Variants in ST6GALNAC3 observed in about 807,000 individuals in gnomAD.
The protein encoded by ST6GALNAC3 is alpha-N-acetylgalactosaminide alpha-2,6-sialyltransferase 3.
ST6GALNAC3 carries 25 observed loss-of-function variants against 32.7 expected under a neutral mutation model. That is an observed-to-expected ratio of 0.76 (90% CI 0.56 to 1.07). The LOEUF (loss-of-function observed/expected upper bound fraction) is 1.07, where lower values mean the gene tolerates loss of function less well. ST6GALNAC3 is among the 50% of genes least tolerant of loss of function. The pLI, the probability that ST6GALNAC3 is intolerant of heterozygous loss-of-function variation, is 0.00. For missense variants in ST6GALNAC3, 355 were observed against 382.4 expected (o/e 0.93, Z 0.60); for synonymous variants, 129 against 133.1 (o/e 0.97, Z 0.21).
intron 3 of ST6GALNAC3, among the ~76,000 whole-genome samples, chr1:76,510,820 A>C (rs954414877): frequency 1.3e-5 from 2 of 152,236 alleles, no homozygotes; most frequent in Non-Finnish European, 2.9e-5. Flanking sequence ...TGTGCATTTT[A>C]TGATGAAGTG....
intron 1 of ST6GALNAC3, among the ~76,000 whole-genome samples, chr1:76,238,113 T>A (rs531912004): frequency 6.7e-4 from 102 of 152,216 alleles, no homozygotes; most frequent in Non-Finnish European, 1.1e-3. Flanking sequence ...TAGCTGCTAC[T>A]TTTCTGGCAA....
At chr1:76,421,306 A>T (rs1655014605) in intron 3 of ST6GALNAC3, among the ~76,000 whole-genome samples, 1 of 152,032 alleles carries the variant, frequency 6.6e-6, no homozygotes, top group African/African-American at 2.4e-5. Context: ...ACTTTACCCA[A>T]AGGCTGGCAA....
intron 1 of ST6GALNAC3, among the ~76,000 whole-genome samples, chr1:76,109,732 C>A (rs1014735958): frequency 2.0e-5 from 3 of 152,218 alleles, no homozygotes; most frequent in Non-Finnish European, 4.4e-5. Flanking sequence ...GGCTTACAGG[C>A]ACACTTTGGG....
rs571294488 is a variant in ST6GALNAC3 at position 76,112,802 on chromosome 1, T to A, written c.18+37918T>A. Among the ~76,000 whole-genome samples the A allele has an allele frequency of 3.1e-3, 469 of 150,948 alleles. 4 individuals are homozygous for A. The highest frequency in any genetic ancestry group is 0.011 in the African/African-American group (460 of 40,940). ...ATGGGCGGCCGGGCAGAGATGCTCC[T>A]CACTTCCTAGATGGGTTGGTGGCGG... On this transcript the variant is annotated intron_variant, in intron 1 of 4. Coordinates refer to ENST00000328299, the MANE Select transcript of ST6GALNAC3 (RefSeq NM_152996.4).
intron 1 of ST6GALNAC3, among the ~76,000 whole-genome samples, chr1:76,187,520 A>G (rs1207235595): frequency 6.6e-6 from 1 of 152,188 alleles, no homozygotes. Flanking sequence ...TGTATAAATC[A>G]TGGAATTCAG....
At chr1:76,575,148 C>T (rs1646780268) in intron 3 of ST6GALNAC3, among the ~76,000 whole-genome samples, 1 of 152,104 alleles carries the variant, frequency 6.6e-6, no homozygotes, top group Non-Finnish European at 1.5e-5. Context: ...AGCAACAGTT[C>T]ACCTTTATAT....
chr1:76,442,227 C>T (rs1039104992), intron 3 of ST6GALNAC3, among the ~76,000 whole-genome samples: 16 of 152,130 alleles, frequency 1.1e-4, no homozygotes, highest in African/African-American at 3.9e-4. Context: ...TGAAGTGTAT[C>T]TACAGAAATA....
At chr1:76,172,379 T>C (rs999156150) in intron 1 of ST6GALNAC3, among the ~76,000 whole-genome samples, 1 of 152,074 alleles carries the variant, frequency 6.6e-6, no homozygotes. Context: ...ACAGACAATA[T>C]CATATTGAAT....
In ST6GALNAC3 at chr1:76,627,469, A is replaced by G; in HGVS notation, c.641A>G (p.Tyr214Cys). ...TGKDRVQSGSYLSTGWFTFLL... is the reference protein window; with the variant it reads ...TGKDRVQSGSCLSTGWFTFLL... ...TCCCTCAGAGTCCAGTCTGGCTCAT[A>G]TCTCAGCACAGGGTGGTTTACCTTC... is the stretch of plus-strand genomic sequence containing the variant. Residue 214 changes from tyrosine to cysteine, a missense_variant, in exon 4 of 5, where the codon TAT (tyrosine) becomes TGT (cysteine). Coordinates refer to ENST00000328299, the MANE Select transcript of ST6GALNAC3 (RefSeq NM_152996.4). 1 of 1,612,032 alleles carries G rather than the reference A, an allele frequency of 6.2e-7. No individual in the cohort carries two copies. Among genetic ancestry groups the G allele is most frequent in the Non-Finnish European group, 8.5e-7 (1 of 1,178,522 alleles).
At chr1:76,097,865 G>A (rs746791791) in intron 1 of ST6GALNAC3, among the ~76,000 whole-genome samples, 2 of 151,848 alleles carry the variant, frequency 1.3e-5, no homozygotes, top group African/African-American at 2.4e-5. Flanking sequence ...TCCTAGAAGT[G>A]GTATTGTTGG....
intron 3 of ST6GALNAC3, among the ~76,000 whole-genome samples, chr1:76,470,285 T>C (rs1658930575): frequency 6.6e-6 from 1 of 152,062 alleles, no homozygotes; most frequent in Admixed American, 6.6e-5. Flanking sequence ...ACATAGATCA[T>C]AATATTTTTG....
intron 1 of ST6GALNAC3, among the ~76,000 whole-genome samples, chr1:76,224,442 T>C (rs1655956408): frequency 6.6e-6 from 1 of 152,134 alleles, no homozygotes. Context: ...TTAGATGGAG[T>C]TGAGATAAAC....
At chr1:76,373,291 C>T (rs1450335134) in intron 2 of ST6GALNAC3, among the ~76,000 whole-genome samples, 3 of 152,168 alleles carry the variant, frequency 2.0e-5, no homozygotes, top group Admixed American at 2.0e-4. Flanking sequence ...CTTGACCTTG[C>T]TGGGCCTGTT....
At chr1:76,625,764 C>T (rs914365906) in intron 3 of ST6GALNAC3, among the ~76,000 whole-genome samples, 1 of 151,866 alleles carries the variant, frequency 6.6e-6, no homozygotes, top group Non-Finnish European at 1.5e-5. Flanking sequence ...TACGTCTTCC[C>T]ATTCATTTTG....
At chr1:76,615,043 A>G (rs1213702877) in intron 3 of ST6GALNAC3, among the ~76,000 whole-genome samples, 1 of 152,122 alleles carries the variant, frequency 6.6e-6, no homozygotes, top group Non-Finnish European at 1.5e-5. Context: ...GTCTTTTGAC[A>G]GTAAATCATT....
intron 1 of ST6GALNAC3, among the ~76,000 whole-genome samples, chr1:76,171,170 T>A (rs926509538): frequency 6.6e-6 from 1 of 151,722 alleles, no homozygotes; most frequent in African/African-American, 2.4e-5. Context: ...AGGCTACAAC[T>A]CAGTCTTGCA....
At chr1:76,432,546 C>T (rs959382748) in intron 3 of ST6GALNAC3, among the ~76,000 whole-genome samples, 6 of 142,082 alleles carry the variant, frequency 4.2e-5, no homozygotes, top group African/African-American at 1.6e-4. Flanking sequence ...CCTTGACCTC[C>T]TGGGCTCAAG....
At chr1:76,457,722 C>CA (rs1201409793) in intron 3 of ST6GALNAC3, among the ~76,000 whole-genome samples, 5 of 152,112 alleles carry the variant, frequency 3.3e-5, no homozygotes, top group African/African-American at 9.7e-5. Context: ...ACACCTTATA[C>CA]AAAAATTAAT....
intron 1 of ST6GALNAC3, among the ~76,000 whole-genome samples, chr1:76,259,569 A>G (rs907035626): frequency 2.0e-5 from 3 of 152,190 alleles, no homozygotes; most frequent in African/African-American, 7.2e-5. Context: ...CTCTCTGTTG[A>G]ATACACCCAT....
Sources: allele counts gnomAD v4.1 joint callset (sites outside exome capture counted in the v4.1 genomes callset), GRCh38; gene constraint gnomAD v4.1.1; transcripts MANE v1.5; gene names NCBI Gene and HGNC (gene_info 2026-07-23, HGNC 2026-07-21).